Variants in MAP3K2 observed in about 807,000 individuals in gnomAD.
MAP3K2 encodes MAP/ERK kinase kinase 2.
In MAP3K2, 24 loss-of-function variants were observed where a neutral mutation model predicts 80.3. The observed-to-expected ratio is 0.30, with a 90% CI of 0.22 to 0.42. The LOEUF (loss-of-function observed/expected upper bound fraction) is 0.42. Among genes scored for constraint, MAP3K2 ranks in the 10% least tolerant of loss-of-function variants. The pLI, the probability that MAP3K2 is intolerant of heterozygous loss-of-function variation, is 1.00. For synonymous variants in MAP3K2, 244 were observed against 253.7 expected (o/e 0.96, Z 0.36); for missense variants, 608 against 750.1 (o/e 0.81, Z 2.21).
At chr2:127,385,829 TAAAG>T (rs1687335238) in intron 1 of MAP3K2, among the ~76,000 whole-genome samples, 2 of 152,168 alleles carry the variant, frequency 1.3e-5, no homozygotes, top group African/African-American at 4.8e-5. Flanking sequence ...TTGGTACCAA[TAAAG>T]TAAACTAGAA....
chr2:127,340,369 AAAT>A (rs1171324689), intron 2 of MAP3K2, among the ~76,000 whole-genome samples: 14 of 152,334 alleles, frequency 9.2e-5, no homozygotes, highest in Admixed American at 2.6e-4. Flanking sequence ...TTAAGAAGGT[AAAT>A]CCTTGGCCAG....
At chr2:127,386,992 G>A (rs924514368) in intron 1 of MAP3K2, among the ~76,000 whole-genome samples, 1 of 152,162 alleles carries the variant, frequency 6.6e-6, no homozygotes, top group African/African-American at 2.4e-5. Flanking sequence ...GATGAAGAGA[G>A]ATAATGCATG....
At chr2:127,333,943 A>G (rs1686313426) in intron 5 of MAP3K2, among the ~76,000 whole-genome samples, 1 of 152,090 alleles carries the variant, frequency 6.6e-6, no homozygotes. Context: ...TACCAAAAAT[A>G]CAAAAATTAT....
At chr2:127,375,689 T>C in intron 1 of MAP3K2, among the ~76,000 whole-genome samples, 1 of 152,158 alleles carries the variant, frequency 6.6e-6, no homozygotes, top group East Asian at 1.9e-4. Flanking sequence ...ATTAATTCTC[T>C]CACTCTGCCT....
At chr2:127,362,204 G>A (rs984179935) in intron 1 of MAP3K2, among the ~76,000 whole-genome samples, 26 of 152,102 alleles carry the variant, frequency 1.7e-4, no homozygotes, top group African/African-American at 5.8e-4. Context: ...GACTGAAATC[G>A]GCATTTGCCA....
At chr2:127,333,998 C>A (rs1159066125) in intron 5 of MAP3K2, among the ~76,000 whole-genome samples, 1 of 152,106 alleles carries the variant, frequency 6.6e-6, no homozygotes, top group Non-Finnish European at 1.5e-5. Context: ...ACTCAGGAGG[C>A]TGACGTGGGA....
rs745393165 is a variant in MAP3K2 at position 127,322,035 on chromosome 2, C to A, written c.1045+11G>T. The A allele has an allele frequency of 6.2e-7, 1 of 1,608,120 alleles. No homozygotes were observed. On this transcript the variant is annotated intron_variant, in intron 12 of 16. Coordinates refer to ENST00000682094, the MANE Select transcript of MAP3K2 (RefSeq NM_001371910.2). The surrounding 1 kb of genome is among the most constrained non-coding windows in gnomAD (Gnocchi z 4.2). ...GCTCTACATTTCACTATACCAAGTT[C>A]TATTACTTACAACGGCTGGGTGGGC...
Position 127,318,290 on chromosome 2 carries a change from A to C in MAP3K2, c.1073T>G (p.Leu358Trp). The C allele has an allele frequency of 1.2e-6, 2 of 1,602,952 alleles. No homozygotes were observed. The highest frequency in any genetic ancestry group is 2.3e-5 in the South Asian group (2 of 88,272). ...GGCTCCTTGGCCAAGCAGTTTGCCC[A>C]ATCTCCAGTTGGTCGGAGCTCGAGG... ...RSPRAPTNWR[L>W]GKLLGQGAFG... The change falls in exon 13 of 17, where the codon TTG becomes TGG. Residue 358 changes from leucine to tryptophan, a missense_variant. Transcript: ENST00000682094.
At position 127,322,284 on chromosome 2, in the gene MAP3K2, T is replaced by C. The variant is rs771069319; in HGVS notation, c.839-32A>G. On this transcript the variant is annotated intron_variant, in intron 11 of 16. Coordinates refer to ENST00000682094, the MANE Select transcript of MAP3K2 (RefSeq NM_001371910.2). This position sits in a 1 kb window ranked among gnomAD's most constrained non-coding sequence, Gnocchi z 4.2. Reference sequence around the variant, plus strand: ...AATGAAAAGAGAATGACCTTATACCTTTTATTAATATGTTATACTTTTAAA... The same window carrying C: ...AATGAAAAGAGAATGACCTTATACCCTTTATTAATATGTTATACTTTTAAA... The C allele has an allele frequency of 3.0e-6, 4 of 1,348,614 alleles. No individual in the cohort carries two copies. The African/African-American group carries it at 5.8e-5, about 20-fold the overall frequency. The allele number at this position is 1,348,614 out of a possible 1,614,324, so 83.5% of individuals were successfully genotyped here.
intron 5 of MAP3K2, among the ~76,000 whole-genome samples, chr2:127,333,297 CACACACA>C (rs1686297218): frequency 6.6e-6 from 1 of 151,488 alleles, no homozygotes; most frequent in African/African-American, 2.4e-5. Context: ...CACACACACA[CACACACA>C]CCCCTTATTA....
intron 1 of MAP3K2, among the ~76,000 whole-genome samples, chr2:127,349,560 C>T (rs1224908546): frequency 6.6e-6 from 1 of 152,076 alleles, no homozygotes; most frequent in African/African-American, 2.4e-5. Context: ...AAATATAAGA[C>T]TAAATTTTAA....
At chr2:127,337,697 GA>G (rs764354018) in intron 4 of MAP3K2, 40 bp downstream of exon 4, 2 of 1,170,234 alleles carry the variant, frequency 1.7e-6, no homozygotes, top group South Asian at 2.8e-5. Flanking sequence ...ATACACATTT[GA>G]TTAAATCAAT....
At position 127,303,258 on chromosome 2, in the gene MAP3K2, C is replaced by T. The variant is rs1415764931; in HGVS notation, c.*4321G>A. 6.6e-6 allele frequency: 1 copy of T among 150,488 alleles called. No homozygotes were observed. The allele number at this position is 150,488 out of a possible 1,614,324, so 9.3% of individuals were successfully genotyped here. On this transcript the variant is annotated 3_prime_UTR_variant, in exon 17 of 17. Transcript: ENST00000682094. ...ACTGTTGACAGAGTTCAATTTCTATCAAATGTTTTGGGTATTTTCACAATT... is the reference window on the plus strand; with the variant it reads ...ACTGTTGACAGAGTTCAATTTCTATTAAATGTTTTGGGTATTTTCACAATT...
intron 1 of MAP3K2, among the ~76,000 whole-genome samples, chr2:127,368,833 C>T (rs1193696464): frequency 6.6e-6 from 1 of 151,492 alleles, no homozygotes; most frequent in Non-Finnish European, 1.5e-5. Context: ...TTGGCCTCGA[C>T]CTCTTGGGCT....
intron 1 of MAP3K2, among the ~76,000 whole-genome samples, chr2:127,351,288 G>T (rs114346435): frequency 1.3e-5 from 2 of 152,058 alleles, no homozygotes; most frequent in African/African-American, 4.8e-5. Flanking sequence ...TTCTGGATAT[G>T]TAGAAAAATA....
At chr2:127,319,532 C>T (rs1244806046) in intron 12 of MAP3K2, among the ~76,000 whole-genome samples, 7 of 151,596 alleles carry the variant, frequency 4.6e-5, no homozygotes, top group African/African-American at 9.7e-5. Flanking sequence ...CAAGGCTGGG[C>T]GCAGTGGCTC....
At chr2:127,330,557 C>T in intron 5 of MAP3K2, 52 bp from the exon 6 acceptor site, 1 of 797,630 alleles carries the variant, frequency 1.3e-6, no homozygotes, top group East Asian at 2.6e-5. Flanking sequence ...TCAAGTTCTT[C>T]CATGAGCATC....
chr2:127,309,939 G>A (rs1031451342), intron 15 of MAP3K2, among the ~76,000 whole-genome samples: 1 of 152,060 alleles, frequency 6.6e-6, no homozygotes, highest in Non-Finnish European at 1.5e-5. Flanking sequence ...GAAGAAATTC[G>A]CCACGCACAG....
chr2:127,350,535 G>A (rs2104858970), intron 1 of MAP3K2, among the ~76,000 whole-genome samples: 1 of 150,412 alleles, frequency 6.6e-6, no homozygotes, highest in Non-Finnish European at 1.5e-5. Flanking sequence ...ATGGGAGGAA[G>A]AGAAAGCTTT....
Sources: allele counts gnomAD v4.1 joint callset (sites outside exome capture counted in the v4.1 genomes callset), GRCh38; gene constraint gnomAD v4.1.1; non-coding constraint Gnocchi (gnomAD v3.1); transcripts MANE v1.5; gene names NCBI Gene and HGNC (gene_info 2026-07-23, HGNC 2026-07-21).